ZNF804B: variants seen among roughly 807,000 people sequenced by gnomAD.
ZNF804B encodes zinc finger 804B.
A neutral mutation model predicts 101.4 loss-of-function variants in ZNF804B; 80 were observed. That is an observed-to-expected ratio of 0.79 (90% CI 0.66 to 0.95). ZNF804B has a LOEUF of 0.95. ZNF804B is among the 40% of genes least tolerant of loss of function. The pLI is 0.00. For missense variants in ZNF804B, 1,673 were observed against 1,561.9 expected (o/e 1.07, Z -1.20); for synonymous variants, 622 against 558.8 (o/e 1.11, Z -1.59).
chr7:88,822,424 G>A (rs1461676248), intron 1 of ZNF804B, among the ~76,000 whole-genome samples: 2 of 152,116 alleles, frequency 1.3e-5, no homozygotes, highest in African/African-American at 4.8e-5. Context: ...GCTAAATACA[G>A]CCCACAGGCC....
intron 1 of ZNF804B, among the ~76,000 whole-genome samples, chr7:89,119,553 A>G (rs1790367013): frequency 6.6e-6 from 1 of 152,180 alleles, no homozygotes; most frequent in Non-Finnish European, 1.5e-5. Context: ...TTATAAAATT[A>G]TTCACCCAAG....
chr7:88,848,030 G>A (rs939138754), intron 1 of ZNF804B, among the ~76,000 whole-genome samples: 1 of 152,166 alleles, frequency 6.6e-6, no homozygotes, highest in Non-Finnish European at 1.5e-5. Context: ...CCAATCAGAA[G>A]TGATTTTGCC....
At chr7:88,859,417 T>C (rs1193219736) in intron 1 of ZNF804B, among the ~76,000 whole-genome samples, 1 of 152,026 alleles carries the variant, frequency 6.6e-6, no homozygotes, top group African/African-American at 2.4e-5. Context: ...GGTAATTTTA[T>C]AAGACATTTA....
At position 88,759,888 on chromosome 7, in the gene ZNF804B, A is replaced by G; in HGVS notation, c.-89A>G. ...TGGCCGCGTCTTCTCGGGAGGTGGT[A>G]GTCGCTGTTGCCGCTGAGAAACCCG... is the stretch of plus-strand genomic sequence containing the variant. On this transcript the variant is annotated 5_prime_UTR_variant, in exon 1 of 4. Coordinates refer to ENST00000333190, the MANE Select transcript of ZNF804B (RefSeq NM_181646.5). The G allele has an allele frequency of 9.7e-7, 1 of 1,029,642 alleles. No individual in the cohort carries two copies. The highest frequency in any genetic ancestry group is 1.3e-5 in the South Asian group (1 of 75,614). 63.8% of individuals were successfully genotyped at this position (1,029,642 alleles called of 1,614,324 possible).
intron 1 of ZNF804B, among the ~76,000 whole-genome samples, chr7:88,796,423 C>G (rs1790485955): frequency 6.6e-6 from 1 of 151,934 alleles, no homozygotes; most frequent in Non-Finnish European, 1.5e-5. Context: ...TTTATCACTC[C>G]CTGAAGCAAT....
chr7:89,272,649 A>T (rs1400561503), intron 2 of ZNF804B, among the ~76,000 whole-genome samples: 1 of 152,126 alleles, frequency 6.6e-6, no homozygotes, highest in Admixed American at 6.6e-5. Context: ...TGTCACTTTT[A>T]AAAATGATCT....
intron 1 of ZNF804B, among the ~76,000 whole-genome samples, chr7:88,999,273 A>G (rs1278718680): frequency 3.3e-5 from 5 of 152,054 alleles, no homozygotes; most frequent in Admixed American, 6.6e-5. Flanking sequence ...ACATTTTATA[A>G]TATTGGTATT....
chr7:89,091,222 GA>G (rs1048191858), intron 1 of ZNF804B, among the ~76,000 whole-genome samples: 561 of 143,454 alleles, frequency 3.9e-3, no homozygotes, highest in Middle Eastern at 0.011. Flanking sequence ...TGCCAGCTAG[GA>G]AAAAAAAAAA....
chr7:89,027,032 T>C (rs1788762642), intron 1 of ZNF804B, among the ~76,000 whole-genome samples: 1 of 151,992 alleles, frequency 6.6e-6, no homozygotes, highest in South Asian at 2.1e-4. Flanking sequence ...ATTTGGAACA[T>C]CAATAAGAAA....
At chr7:89,158,490 C>T (rs2040683) in intron 1 of ZNF804B, among the ~76,000 whole-genome samples, 24,147 of 152,080 alleles carry the variant, frequency 0.16, 2,590 homozygotes, top group Non-Finnish European at 0.22. Context: ...CTGCTCCCAC[C>T]TTCTCTGACC....
intron 1 of ZNF804B, among the ~76,000 whole-genome samples, chr7:89,021,391 G>T (rs1458645137): frequency 4.6e-5 from 7 of 152,114 alleles, no homozygotes; most frequent in Non-Finnish European, 8.8e-5. Context: ...ACTATGGTTG[G>T]GGTGCAGGGT....
chr7:89,241,541 C>A (rs1222791102), intron 2 of ZNF804B, among the ~76,000 whole-genome samples: 1 of 152,066 alleles, frequency 6.6e-6, no homozygotes, highest in Non-Finnish European at 1.5e-5. Context: ...ATGTGCAGAA[C>A]CTGATTCATA....
chr7:88,775,846 A>G (rs1790133050), intron 1 of ZNF804B, among the ~76,000 whole-genome samples: 1 of 152,182 alleles, frequency 6.6e-6, no homozygotes. Context: ...TTGAAAATAA[A>G]ATTGTGATGT....
chr7:89,168,452 A>T (rs931080793), intron 1 of ZNF804B, among the ~76,000 whole-genome samples: 4 of 152,086 alleles, frequency 2.6e-5, no homozygotes, highest in Non-Finnish European at 5.9e-5. Context: ...TAAGATACTT[A>T]ATTTTTATTT....
At chr7:88,855,782 T>A (rs1381536572) in intron 1 of ZNF804B, among the ~76,000 whole-genome samples, 1 of 152,222 alleles carries the variant, frequency 6.6e-6, no homozygotes, top group Admixed American at 6.5e-5. Flanking sequence ...AATTTTTGTA[T>A]AAGGTGCAAG....
At chr7:89,166,578 A>T (rs1791147528) in intron 1 of ZNF804B, among the ~76,000 whole-genome samples, 1 of 152,194 alleles carries the variant, frequency 6.6e-6, no homozygotes, top group South Asian at 2.1e-4. Context: ...CATGGTACAT[A>T]TCAAGCAATT....
At chr7:88,854,533 T>TTCCTTTCCTTCCCTTCCTTC (rs796987599) in intron 1 of ZNF804B, among the ~76,000 whole-genome samples, 2 of 78,178 alleles carry the variant, frequency 2.6e-5, no homozygotes, top group Non-Finnish European at 4.8e-5. Flanking sequence ...TTCCTTTCCT[T>TTCCTTTCCTTCCCTTCCTTC]CCTTCCTTCC....
intron 1 of ZNF804B, among the ~76,000 whole-genome samples, chr7:88,813,725 G>A (rs567197051): frequency 2.0e-5 from 3 of 152,120 alleles, no homozygotes; most frequent in South Asian, 4.1e-4. Flanking sequence ...AGTCATACCC[G>A]TCCTTTTTGA....
intron 1 of ZNF804B, among the ~76,000 whole-genome samples, chr7:88,858,609 AG>A (rs1554340755): frequency 6.6e-6 from 1 of 152,210 alleles, no homozygotes; most frequent in Non-Finnish European, 1.5e-5. Context: ...GTGGTAGAGC[AG>A]AATGAACATA....
Sources: gnomAD v4.1 joint callset for allele counts (sites outside exome capture counted in the v4.1 genomes callset) on GRCh38, gnomAD v4.1.1 for gene constraint, MANE v1.5 for transcripts, NCBI Gene and HGNC (gene_info 2026-07-23, HGNC 2026-07-21) for gene names.